ZBTB43: variants seen among roughly 807,000 people sequenced by gnomAD.
ZBTB43 encodes zinc finger and BTB domain containing 43, also known as zinc finger and BTB domain-containing protein 43.
Under a neutral mutation model 31.1 loss-of-function variants are expected in ZBTB43, and 6 were observed. The observed-to-expected ratio is 0.19, with a 90% CI of 0.11 to 0.38. ZBTB43 has a LOEUF of 0.38. ZBTB43 is among the 10% of genes least tolerant of loss of function. ZBTB43 has a pLI of 1.00. For missense variants in ZBTB43, 379 were observed against 602.1 expected, an observed-to-expected ratio of 0.63 and a Z score of 3.88; for synonymous variants, 212 against 221.7, an observed-to-expected ratio of 0.96 and a Z score of 0.39.
In ZBTB43 at chr9:126,834,662, T is replaced by C. The variant is rs1449750180; in HGVS notation, c.*749T>C. On this transcript the variant is annotated 3_prime_UTR_variant, in exon 3 of 3. Coordinates refer to ENST00000373464, the MANE Select transcript of ZBTB43 (RefSeq NM_014007.4). ...ACAATTTTATCTAATTGTAATTCTC[T>C]AGGGTGCCAGAGATAGGTATTTCTC... 6.0e-6 allele frequency: 1 copy of C among 166,994 alleles called. No homozygotes were observed. Among genetic ancestry groups the C allele is most frequent in the East Asian group, 1.9e-4 (1 of 5,198 alleles). 10.3% of individuals were successfully genotyped at this position (166,994 alleles called of 1,614,324 possible). A position where few individuals can be genotyped will look rare whatever the true frequency, so the allele number is the denominator to read the frequency against.
intron 2 of ZBTB43, among the ~76,000 whole-genome samples, chr9:126,813,111 G>C (rs536810369): frequency 6.6e-6 from 1 of 151,994 alleles, no homozygotes; most frequent in South Asian, 2.1e-4. Context: ...CTCCCGAATA[G>C]CTGGGATAAC....
At chr9:126,828,106 A>G (rs1484659828) in intron 2 of ZBTB43, among the ~76,000 whole-genome samples, 1 of 152,166 alleles carries the variant, frequency 6.6e-6, no homozygotes, top group Non-Finnish European at 1.5e-5. Context: ...CAGGCTAGCC[A>G]TTTTGGAGGA....
At position 126,817,480 on chromosome 9, in the gene ZBTB43, T is replaced by TC. The variant is rs1478574692; in HGVS notation, c.-24+8565_-24+8566insC. Among the ~76,000 whole-genome samples, 245 of 149,830 alleles carry TC rather than the reference T, an allele frequency of 1.6e-3. 2 individuals carry two copies. The highest frequency in any genetic ancestry group is 5.9e-3 in the African/African-American group (241 of 40,862). ...ATTGAATATAATGTTCCATGAAGTT[T>TC]TTTTTTTTTTTTTGAGACGGAGTCT... On this transcript the variant is annotated intron_variant, in intron 2 of 2. Transcript: ENST00000373464.
intron 1 of ZBTB43, among the ~76,000 whole-genome samples, chr9:126,805,488 G>C (rs1231197235): frequency 1.3e-5 from 2 of 152,220 alleles, no homozygotes; most frequent in Non-Finnish European, 1.5e-5. Flanking sequence ...TGACGACCTC[G>C]GGTTCGAGCC....
chr9:126,805,542 C>A (rs907365623), intron 1 of ZBTB43, among the ~76,000 whole-genome samples: 1 of 152,350 alleles, frequency 6.6e-6, no homozygotes, highest in South Asian at 2.1e-4. Context: ...AGAAAGACTG[C>A]GCCTGGACTT....
chr9:126,815,656 CTCT>C (rs1216782640), intron 2 of ZBTB43, among the ~76,000 whole-genome samples: 10 of 77,464 alleles, frequency 1.3e-4, no homozygotes, highest in Admixed American at 8.4e-4. Flanking sequence ...CTCTCTCTCT[CTCT>C]TTTTTTTTTT....
At chr9:126,830,465 C>T (rs985587747) in intron 2 of ZBTB43, among the ~76,000 whole-genome samples, 12 of 152,088 alleles carry the variant, frequency 7.9e-5, no homozygotes, top group Admixed American at 2.0e-4. Context: ...GACAACGTGG[C>T]GAAACCCTGT....
At chr9:126,812,462 CTA>C (rs1403465976) in intron 2 of ZBTB43, among the ~76,000 whole-genome samples, 1 of 152,144 alleles carries the variant, frequency 6.6e-6, no homozygotes, top group Non-Finnish European at 1.5e-5. Flanking sequence ...CGTGGTAACT[CTA>C]TGTTTAACTC....
At chr9:126,805,391 C>T (rs898509668) in intron 1 of ZBTB43, among the ~76,000 whole-genome samples, 3 of 152,172 alleles carry the variant, frequency 2.0e-5, no homozygotes, top group African/African-American at 7.2e-5. Flanking sequence ...GTCACCCTCG[C>T]GGCGGCGGAG....
In ZBTB43 at chr9:126,809,842, C is replaced by CTTTTTTTTTTTTT. The variant is rs565506794; in HGVS notation, c.-24+938_-24+939insTTTTTTTTTTTTT. Among the ~76,000 whole-genome samples, 976 of 147,014 alleles carry CTTTTTTTTTTTTT rather than the reference C, an allele frequency of 6.6e-3. 8 individuals carry two copies. The highest frequency in any genetic ancestry group is 0.023 in the African/African-American group (931 of 39,946). Reference sequence around the variant, plus strand: ...CAAAGTGGCATAAAACTGCTGGTATCTTTTTTTTTTTGAGACAGAGTCTCG... The same window carrying CTTTTTTTTTTTTT: ...CAAAGTGGCATAAAACTGCTGGTATCTTTTTTTTTTTTTTTTTTTTTTTTGAGACAGAGTCTCG... On this transcript the variant is annotated intron_variant, in intron 2 of 2. Coordinates refer to ENST00000373464, the MANE Select transcript of ZBTB43 (RefSeq NM_014007.4).
chr9:126,818,642 C>T (rs185537272), intron 2 of ZBTB43, among the ~76,000 whole-genome samples: 1 of 152,214 alleles, frequency 6.6e-6, no homozygotes, highest in East Asian at 1.9e-4. Flanking sequence ...TTTTCCCCTT[C>T]ATTCTGTTAA....
chr9:126,824,168 A>G (rs1485026737), intron 2 of ZBTB43, among the ~76,000 whole-genome samples: 1 of 152,142 alleles, frequency 6.6e-6, no homozygotes. Context: ...CTGGGATTAC[A>G]GGTGCGCACC....
At position 126,817,100 on chromosome 9, in the gene ZBTB43, CTTTTTTTTT is replaced by C. The variant is rs780632905; in HGVS notation, c.-24+8205_-24+8213del. 3.6e-4 allele frequency among the ~76,000 whole-genome samples: 20 copies of C among 55,360 alleles called. 1 individual carries two copies. Among genetic ancestry groups the C allele is most frequent in the African/African-American group, 1.2e-3 (17 of 14,124 alleles). 36.3% of individuals were successfully genotyped at this position (55,360 alleles called of 152,430 possible). On this transcript the variant is annotated intron_variant, in intron 2 of 2. Coordinates refer to ENST00000373464, the MANE Select transcript of ZBTB43 (RefSeq NM_014007.4). ...CAACTTGGCCCCATTTCCACTGTAT[CTTTTTTTTT>C]TTTTTTTTTTTTTTTTTTTGAGACA...
rs1163874073 is a variant in ZBTB43 at position 126,833,898 on chromosome 9, A to C, written c.1389A>C (p.Thr463=). ...SYEAAKAEQN[T]TEAN ...AAGCTGCAAAGGCTGAGCAGAATAC[A>C]ACTGAGGCTAACTAAAAATAGGATC... Residue 463 remains threonine (T), a synonymous_variant, in exon 3 of 3, where the codon ACA becomes ACC. Coordinates refer to ENST00000373464, the MANE Select transcript of ZBTB43 (RefSeq NM_014007.4). This position sits in a 1 kb window ranked among gnomAD's most constrained non-coding sequence, Gnocchi z 7.9. 3.2e-6 allele frequency: 5 copies of C among 1,577,100 alleles called. 1 individual carries two copies. The highest frequency in any genetic ancestry group is 3.4e-4 in the Middle Eastern group (2 of 5,916).
At chr9:126,813,016 T>C (rs1409520369) in intron 2 of ZBTB43, among the ~76,000 whole-genome samples, 1 of 151,974 alleles carries the variant, frequency 6.6e-6, no homozygotes, top group Non-Finnish European at 1.5e-5. Flanking sequence ...GTTTTGCTCT[T>C]GTTGCCCAGG....
intron 2 of ZBTB43, among the ~76,000 whole-genome samples, chr9:126,824,988 A>C (rs1277308524): frequency 1.3e-5 from 2 of 152,144 alleles, no homozygotes; most frequent in Admixed American, 6.6e-5. Context: ...TCTGTCACCT[A>C]GGCTGGAGTA....
chr9:126,818,699 A>G (rs988153359), intron 2 of ZBTB43, among the ~76,000 whole-genome samples: 1 of 152,126 alleles, frequency 6.6e-6, no homozygotes, highest in African/African-American at 2.4e-5. Context: ...CTATCCTTGC[A>G]TTCCAGGAAG....
chr9:126,818,401 G>A (rs116406901), intron 2 of ZBTB43, among the ~76,000 whole-genome samples: 2,476 of 152,104 alleles, frequency 0.016, 71 homozygotes, highest in African/African-American at 0.056. Flanking sequence ...GATTGCAGAT[G>A]AGAGCCACCA....
intron 2 of ZBTB43, among the ~76,000 whole-genome samples, chr9:126,822,098 C>T (rs1187177871): frequency 6.6e-6 from 1 of 151,778 alleles, no homozygotes. Context: ...CTCAGGTGCT[C>T]GCCCGCCTGG....
Sources: gnomAD v4.1 joint callset for allele counts (sites outside exome capture counted in the v4.1 genomes callset) on GRCh38, gnomAD v4.1.1 for gene constraint, Gnocchi (gnomAD v3.1) non-coding constraint, MANE v1.5 for transcripts, NCBI Gene and HGNC (gene_info 2026-07-23, HGNC 2026-07-21) for gene names.